Variants in SLC4A4 observed in about 807,000 individuals in gnomAD.
SLC4A4 encodes solute carrier family 4 member 4.
A neutral mutation model predicts 111.5 loss-of-function variants in SLC4A4; 27 were observed. The ratio of observed to expected loss-of-function variants is 0.24; its 90% CI spans 0.18 to 0.33. SLC4A4 has a LOEUF of 0.33. Ranked by LOEUF, SLC4A4 falls within the 10% of genes least tolerant of loss-of-function variation. The pLI is 1.00. For missense variants in SLC4A4, 909 were observed against 1,315.5 expected, an observed-to-expected ratio of 0.69 and a Z score of 4.78; for synonymous variants, 443 against 463.4, an observed-to-expected ratio of 0.96 and a Z score of 0.57.
In SLC4A4 at chr4:71,254,501, A is replaced by G. The variant is rs936675502; in HGVS notation, c.74-719A>G. Among the ~76,000 whole-genome samples, 3 of 152,098 alleles carry G rather than the reference A, an allele frequency of 2.0e-5. No individual in the cohort carries two copies. The East Asian group carries it at 5.8e-4, about 29-fold the overall frequency. On this transcript the variant is annotated intron_variant, in intron 2 of 25. Coordinates refer to ENST00000264485, the MANE Select transcript of SLC4A4 (RefSeq NM_001098484.3). ...CAGTTTTTAGAAACTTTTGGAAATG[A>G]AAAAAGAAAAATGAGAATGGCACTG... is the stretch of plus-strand genomic sequence containing the variant.
intron 12 of SLC4A4, among the ~76,000 whole-genome samples, chr4:71,454,327 C>T (rs115588056): frequency 0.028 from 4,200 of 152,222 alleles, 114 homozygotes; most frequent in Non-Finnish European, 0.038. Context: ...AAAGATGTGT[C>T]TGATTCCCTC....
intron 24 of SLC4A4, among the ~76,000 whole-genome samples, chr4:71,565,810 T>C (rs543611879): frequency 7.9e-5 from 12 of 151,986 alleles, no homozygotes; most frequent in African/African-American, 2.4e-4. Flanking sequence ...AAGCTGGGTG[T>C]CTGCTTCCAA....
chr4:71,125,686 G>C (rs766644097), intron 2 of SLC4A4, among the ~76,000 whole-genome samples: 15 of 152,214 alleles, frequency 9.9e-5, no homozygotes, highest in Non-Finnish European at 1.5e-4. Context: ...GGCATGTATT[G>C]TGCTGGAGAT....
intron 5 of SLC4A4, among the ~76,000 whole-genome samples, chr4:71,350,868 T>A (rs1729769044): frequency 6.6e-6 from 1 of 152,140 alleles, no homozygotes; most frequent in Non-Finnish European, 1.5e-5. Context: ...TGCAGACCCC[T>A]TGGAAAAGTG....
Position 71,386,584 on chromosome 4 carries a change from C to CTTT in SLC4A4, c.731-10991_731-10989dup, listed in dbSNP as rs1449367378. Among the ~76,000 whole-genome samples, 1,079 of 151,528 alleles carry CTTT rather than the reference C, an allele frequency of 7.1e-3. 11 individuals are homozygous for CTTT. The highest frequency in any genetic ancestry group is 0.023 in the African/African-American group (944 of 41,222). ...TCTAACAGTTTTATTGAGGTTTTTT[C>CTTT]TTTTCTTTTTTTTGGCTGTATGTAT... On this transcript the variant is annotated intron_variant, in intron 6 of 25. Coordinates refer to ENST00000264485, the MANE Select transcript of SLC4A4 (RefSeq NM_001098484.3).
chr4:71,481,367 C>G (rs550469818), intron 14 of SLC4A4, among the ~76,000 whole-genome samples: 2 of 151,720 alleles, frequency 1.3e-5, no homozygotes, highest in African/African-American at 4.8e-5. Flanking sequence ...ATATGTAAAG[C>G]AGAGGAGCCA....
chr4:71,458,977 G>A (rs544703351), intron 12 of SLC4A4, among the ~76,000 whole-genome samples: 1 of 152,076 alleles, frequency 6.6e-6, no homozygotes, highest in South Asian at 2.1e-4. Context: ...CACAATTTTG[G>A]TAGGTAAAAA....
chr4:71,531,797 ACACACAC>A (rs1578126873), intron 16 of SLC4A4, among the ~76,000 whole-genome samples: 68 of 148,390 alleles, frequency 4.6e-4, no homozygotes, highest in African/African-American at 7.5e-4. Context: ...ACACACACAC[ACACACAC>A]AGAAAGAGAG....
At chr4:71,458,945 T>A (rs1726547162) in intron 12 of SLC4A4, among the ~76,000 whole-genome samples, 1 of 151,988 alleles carries the variant, frequency 6.6e-6, no homozygotes, top group Non-Finnish European at 1.5e-5. Context: ...CAAAGTTAGG[T>A]AGAGATTGTC....
At chr4:71,527,947 G>A (rs1425452453) in intron 16 of SLC4A4, among the ~76,000 whole-genome samples, 4 of 152,004 alleles carry the variant, frequency 2.6e-5, no homozygotes. Flanking sequence ...CTGAACTCTG[G>A]AACACTGCAA....
At chr4:71,120,882 G>A (rs962452798) in intron 2 of SLC4A4, among the ~76,000 whole-genome samples, 2 of 152,216 alleles carry the variant, frequency 1.3e-5, no homozygotes, top group African/African-American at 4.8e-5. Context: ...TCTCTGGGCT[G>A]GTCGAGGCCG....
At position 71,291,248 on chromosome 4, in the gene SLC4A4, G is replaced by A. The variant is rs183871391; in HGVS notation, c.253+35849G>A. 6.0e-3 allele frequency among the ~76,000 whole-genome samples: 910 copies of A among 152,280 alleles called. 8 individuals carry two copies. Among genetic ancestry groups the A allele is most frequent in the Non-Finnish European group, 7.1e-3 (484 of 68,028 alleles). ...AATGCTAAATGATGAGTTAATGGGTGCAGCACACCAGCATGGCACATGTAT... is the reference window on the plus strand; with the variant it reads ...AATGCTAAATGATGAGTTAATGGGTACAGCACACCAGCATGGCACATGTAT... On this transcript the variant is annotated intron_variant, in intron 3 of 25. Coordinates refer to ENST00000264485, the MANE Select transcript of SLC4A4 (RefSeq NM_001098484.3).
At chr4:71,175,861 A>C (rs1229639505) in intron 2 of SLC4A4, among the ~76,000 whole-genome samples, 5 of 152,178 alleles carry the variant, frequency 3.3e-5, no homozygotes, top group Non-Finnish European at 7.4e-5. Context: ...TGGAGATCTG[A>C]GAACAGACAG....
At chr4:71,188,725 T>C (rs1745603849) in intron 1 of SLC4A4, among the ~76,000 whole-genome samples, 1 of 152,082 alleles carries the variant, frequency 6.6e-6, no homozygotes, top group Admixed American at 6.6e-5. Flanking sequence ...TTATAGCCAA[T>C]GTGATGTCTT....
At chr4:71,212,847 G>C (rs1290647993) in intron 1 of SLC4A4, among the ~76,000 whole-genome samples, 1 of 152,148 alleles carries the variant, frequency 6.6e-6, no homozygotes, top group African/African-American at 2.4e-5. Flanking sequence ...GGTGAGAGAA[G>C]TAAATACAGT....
intron 1 of SLC4A4, among the ~76,000 whole-genome samples, chr4:71,222,132 T>C (rs1718780804): frequency 6.6e-6 from 1 of 152,194 alleles, no homozygotes; most frequent in African/African-American, 2.4e-5. Context: ...AAGCCCTTCA[T>C]ACAGTAGCCT....
chr4:71,541,451 G>A (rs1192243221), intron 18 of SLC4A4, among the ~76,000 whole-genome samples: 3 of 152,066 alleles, frequency 2.0e-5, no homozygotes, highest in African/African-American at 7.2e-5. Context: ...AGTAGAAGCA[G>A]AATCCCAATT....
At chr4:71,298,821 T>C (rs1725003207) in intron 3 of SLC4A4, among the ~76,000 whole-genome samples, 1 of 152,240 alleles carries the variant, frequency 6.6e-6, no homozygotes, top group Non-Finnish European at 1.5e-5. Context: ...GTTTTCATTC[T>C]TCTGGCCTCG....
At chr4:71,447,772 C>G in intron 9 of SLC4A4, 39 bp downstream of exon 9, 3 of 1,290,958 alleles carry the variant, frequency 2.3e-6, no homozygotes, top group Non-Finnish European at 3.4e-6. Context: ...GAATGTCCTA[C>G]TTGTTTGTTG....
Sources: gnomAD v4.1 joint callset for allele counts (sites outside exome capture counted in the v4.1 genomes callset) on GRCh38, gnomAD v4.1.1 for gene constraint, MANE v1.5 for transcripts, NCBI Gene and HGNC (gene_info 2026-07-23, HGNC 2026-07-21) for gene names.